SAP18: variants seen among roughly 807,000 people sequenced by gnomAD.
The protein encoded by SAP18 is histone deacetylase complex subunit SAP18.
SAP18 carries 4 observed loss-of-function variants against 18.6 expected under a neutral mutation model. The ratio of observed to expected loss-of-function variants is 0.21; its 90% CI spans 0.11 to 0.49. The LOEUF (loss-of-function observed/expected upper bound fraction) is 0.49. Ranked by LOEUF, SAP18 falls within the 20% of genes least tolerant of loss-of-function variation. The probability of loss-of-function intolerance (pLI) is 0.98; values close to 1 mark genes in which losing one functional copy is unlikely to be tolerated. For missense variants in SAP18, 170 were observed against 226.4 expected, an observed-to-expected ratio of 0.75 and a Z score of 1.60; for synonymous variants, 112 against 82.8, an observed-to-expected ratio of 1.35 and a Z score of -1.92.
chr13:21,140,799 G>A (rs748462649), intron 1 of SAP18, 87 bp from the exon 2 acceptor site: 3 of 1,575,640 alleles, frequency 1.9e-6, no homozygotes, highest in Non-Finnish European at 2.6e-6. Context: ...GAGGCTCGGA[G>A]GCCGCAACGC....
intron 1 of SAP18, 48 bp from the exon 2 acceptor site, chr13:21,140,838 G>T: frequency 6.3e-7 from 1 of 1,580,784 alleles, no homozygotes. Context: ...CTCCGGGTTC[G>T]CAGCTGGTGT....
chr13:21,141,205 A>G (rs1221006494), intron 2 of SAP18: 1 of 582,268 alleles, frequency 1.7e-6, no homozygotes, highest in Non-Finnish European at 3.1e-6. Context: ...TAATGTTGCA[A>G]CTTTTGGGCG....
At chr13:21,140,830 C>G (rs767398747) in intron 1 of SAP18, 56 bp from the exon 2 acceptor site, 24 of 1,564,532 alleles carry the variant, frequency 1.5e-5, no homozygotes, top group Non-Finnish European at 1.3e-5. Context: ...GAGATGAGCT[C>G]CGGGTTCGCA....
intron 2 of SAP18, among the ~76,000 whole-genome samples, chr13:21,143,317 A>G (rs1869535202): frequency 6.6e-6 from 1 of 152,194 alleles, no homozygotes; most frequent in Admixed American, 6.5e-5. Context: ...ACTATTTTAT[A>G]TTCCCCAAAA....
intron 2 of SAP18, among the ~76,000 whole-genome samples, chr13:21,146,178 C>T (rs1265312473): frequency 6.6e-6 from 1 of 152,132 alleles, no homozygotes; most frequent in Non-Finnish European, 1.5e-5. Context: ...GAAACCCTGT[C>T]TCTACTAAAA....
intron 2 of SAP18, among the ~76,000 whole-genome samples, chr13:21,145,363 C>G (rs559637605): frequency 6.6e-6 from 1 of 152,168 alleles, no homozygotes; most frequent in East Asian, 1.9e-4. Flanking sequence ...TGCAAAAATT[C>G]TAAAATTTGA....
rs774972864 is a variant in SAP18, at chr13:21,140,592, G to C, written c.40G>C (p.Ala14Pro). 7.3e-5 allele frequency: 118 copies of C among 1,609,518 alleles called. 1 individual carries two copies. In the Middle Eastern group the frequency reaches 1.3e-3, roughly 18 times the overall value. ...GGTCGGAGGTCAGGGCGAGCGTCTC[G>C]CAGGCCGTAGGAGGAAGATGGCGGT... Residue 14 changes from alanine to proline, a missense_variant, in exon 1 of 4, where the codon GCA becomes CCA. Around this residue, in one of 2 missense-constraint regions of SAP18, gnomAD observed 60 missense variants for 26.2 expected, o/e 2.29. Coordinates refer to ENST00000621421, the Ensembl canonical transcript of SAP18.
At chr13:21,143,307 A>G (rs1227316997) in intron 2 of SAP18, among the ~76,000 whole-genome samples, 1 of 152,226 alleles carries the variant, frequency 6.6e-6, no homozygotes, top group Non-Finnish European at 1.5e-5. Flanking sequence ...CAGCAGCTGC[A>G]CTATTTTATA....
rs567779971 is a variant in SAP18, at chr13:21,143,284, C to T, written c.239+2289C>T. On this transcript the variant is annotated intron_variant, in intron 2 of 3. Coordinates refer to ENST00000621421, the Ensembl canonical transcript of SAP18. ...ACTTTGTTTAATTTTTGAGGAACCA[C>T]CAAACTTTTTCACAGCAGCTGCACT... is the stretch of plus-strand genomic sequence containing the variant. Among the ~76,000 whole-genome samples, 9 of 152,278 alleles carry T rather than the reference C, an allele frequency of 5.9e-5. No homozygotes were observed. The South Asian group carries it at 1.2e-3, about 21-fold the overall frequency.
exon 4 of SAP18, chr13:21,148,945 G>A (rs1252320976): frequency 6.6e-6 from 1 of 152,164 alleles, no homozygotes; most frequent in Non-Finnish European, 1.5e-5. Context: ...AGAATACCTA[G>A]TGAATTTATT....
intron 2 of SAP18, among the ~76,000 whole-genome samples, chr13:21,145,527 G>A (rs1453629846): frequency 6.6e-6 from 1 of 151,848 alleles, no homozygotes; most frequent in Non-Finnish European, 1.5e-5. Flanking sequence ...TTGTTTTTGA[G>A]ACAGAGTCTC....
At chr13:21,145,801 G>C (rs1031058041) in intron 2 of SAP18, among the ~76,000 whole-genome samples, 1 of 152,194 alleles carries the variant, frequency 6.6e-6, no homozygotes, top group African/African-American at 2.4e-5. Flanking sequence ...TTACAGGCAT[G>C]AGCCTCCGCA....
intron 2 of SAP18, among the ~76,000 whole-genome samples, chr13:21,141,827 T>C (rs1869477144): frequency 1.3e-5 from 2 of 151,700 alleles, no homozygotes; most frequent in South Asian, 4.2e-4. Context: ...CCACCACGCC[T>C]GGCTAATTTT....
At chr13:21,142,710 C>T (rs943804031) in intron 2 of SAP18, among the ~76,000 whole-genome samples, 2 of 151,962 alleles carry the variant, frequency 1.3e-5, no homozygotes, top group Non-Finnish European at 2.9e-5. Flanking sequence ...AGTTTTTATC[C>T]CTCCCTCCAA....
rs1869602647 is a variant in SAP18 at position 21,145,099 on chromosome 13, C to T, written c.240-1706C>T. ...TTTTTTTTTTTGAGACAGAGTCTTG[C>T]TCTGTCATCCAGGCTGGAGTGCAGT... On this transcript the variant is annotated intron_variant, in intron 2 of 3. Transcript: ENST00000621421. 2.9e-5 allele frequency among the ~76,000 whole-genome samples: 4 copies of T among 137,112 alleles called. No homozygotes were observed. The South Asian group carries it at 7.0e-4, about 24-fold the overall frequency. The allele number at this position is 137,112 out of a possible 152,430, so 90.0% of individuals were successfully genotyped here.
intron 2 of SAP18, among the ~76,000 whole-genome samples, chr13:21,141,893 T>G (rs1010506161): frequency 6.6e-6 from 1 of 150,870 alleles, no homozygotes; most frequent in Non-Finnish European, 1.5e-5. Flanking sequence ...TCTCGAACTC[T>G]TGACCTCAAG....
chr13:21,140,671 A>G (rs1869427901), exon 1 of SAP18: 1 of 1,611,770 alleles, frequency 6.2e-7, no homozygotes. Context: ...AAACCGATCG[A>G]CCGCGAGAAG....
At chr13:21,147,060 T>C in intron 3 of SAP18, 126 bp from the exon 4 acceptor site, 1 of 1,430,370 alleles carries the variant, frequency 7.0e-7, no homozygotes, top group African/African-American at 1.4e-5. Context: ...TTTGGCTTAA[T>C]AAAGTAGTTA....
chr13:21,140,457 C>A (rs1220583769), upstream of SAP18: 29 of 1,386,998 alleles, frequency 2.1e-5, no homozygotes, highest in Middle Eastern at 2.6e-4. Flanking sequence ...GGCTCGCTCA[C>A]CACGCACGGA....
Sources: allele counts gnomAD v4.1 joint callset (sites outside exome capture counted in the v4.1 genomes callset), GRCh38; gene constraint gnomAD v4.1.1; regional missense constraint gnomAD v4.1.1; transcripts MANE v1.5; gene names NCBI Gene and HGNC (gene_info 2026-07-23, HGNC 2026-07-21).